The following PTPRN2 variants were observed in gnomAD, a reference collection of about 807,000 sequenced individuals.
PTPRN2 encodes receptor-type tyrosine-protein phosphatase N2.
In PTPRN2, 74 loss-of-function variants were observed where a neutral mutation model predicts 118.8. The observed-to-expected ratio is 0.62, with a 90% CI of 0.52 to 0.76. The LOEUF (loss-of-function observed/expected upper bound fraction) is 0.76, where lower values mean the gene tolerates loss of function less well. PTPRN2 is among the 30% of genes least tolerant of loss of function. PTPRN2 has a pLI of 0.00. For synonymous variants in PTPRN2, 641 were observed against 608.0 expected (o/e 1.05, Z -0.80); for missense variants, 1,481 against 1,394.4 (o/e 1.06, Z -0.99).
chr7:157,921,797 C>G (rs1300434924), intron 11 of PTPRN2, among the ~76,000 whole-genome samples: 1 of 152,186 alleles, frequency 6.6e-6, no homozygotes, highest in Admixed American at 6.5e-5. Flanking sequence ...TATAAACTAC[C>G]CTGTCTCAGG....
Position 158,203,967 on chromosome 7 carries a change from C to T in PTPRN2, c.380+1204G>A, listed in dbSNP as rs75229314. ...CTCAGTGTGCGCCGCGTGCTGAAGT[C>T]GCAGCCCCTAACCTCAGTGTGCGCC... On this transcript the variant is annotated intron_variant, in intron 4 of 22. Transcript: ENST00000389418. Among the ~76,000 whole-genome samples the T allele has an allele frequency of 9.5e-3, 1,355 of 142,198 alleles. 25 individuals are homozygous for T. The highest frequency in any genetic ancestry group is 0.034 in the African/African-American group (1,282 of 38,220). 93.3% of individuals were successfully genotyped at this position (142,198 alleles called of 152,430 possible).
chr7:157,539,518 G>T lies in PTPRN2; in HGVS notation c.*1196C>A, dbSNP rs967223658. The T allele has an allele frequency of 2.0e-5, 3 of 152,244 alleles. No homozygotes were observed. The South Asian group carries it at 6.2e-4, about 32-fold the overall frequency. The allele number at this position is 152,244 out of a possible 1,614,324, so 9.4% of individuals were successfully genotyped here. A position where few individuals can be genotyped will look rare whatever the true frequency, so the allele number is the denominator to read the frequency against. The stretch of plus-strand genomic sequence containing the variant: ...AATTGTCCTATTTCTGGGGTAGGGG[G>T]TGATGGCGAATCGGATACTCAAATG... On this transcript the variant is annotated 3_prime_UTR_variant, in exon 23 of 23. Coordinates refer to ENST00000389418, the MANE Select transcript of PTPRN2 (RefSeq NM_002847.5).
intron 3 of PTPRN2, among the ~76,000 whole-genome samples, chr7:158,259,514 T>C (rs1379345857): frequency 6.6e-6 from 1 of 152,200 alleles, no homozygotes; most frequent in African/African-American, 2.4e-5. Flanking sequence ...CACCAACGGC[T>C]GGCATGTTCC....
In PTPRN2 at chr7:158,129,715, G is replaced by A. The variant is rs554097860; in HGVS notation, c.1556+3962C>T. ...GGAATCGGTCATGATAATGGTCTGC[G>A]TCACCCAGTGCTGAGGCAGGCGCCT... On this transcript the variant is annotated intron_variant, in intron 9 of 22. Coordinates refer to ENST00000389418, the MANE Select transcript of PTPRN2 (RefSeq NM_002847.5). Among the ~76,000 whole-genome samples the A allele has an allele frequency of 4.7e-4, 72 of 152,324 alleles. 1 individual carries two copies. The highest frequency in any genetic ancestry group is 1.3e-3 in the African/African-American group (54 of 41,564).
intron 2 of PTPRN2, among the ~76,000 whole-genome samples, chr7:158,410,254 C>CGGA (rs1813933739): frequency 6.6e-6 from 1 of 152,164 alleles, no homozygotes; most frequent in Non-Finnish European, 1.5e-5. Context: ...GAGCCTCTCC[C>CGGA]GACACCAAAA....
intron 12 of PTPRN2, among the ~76,000 whole-genome samples, chr7:157,894,332 G>C (rs1270555301): frequency 6.6e-6 from 1 of 152,050 alleles, no homozygotes; most frequent in Non-Finnish European, 1.5e-5. Flanking sequence ...GTGGATCCAA[G>C]TGTGTGGAAG....
At chr7:158,363,648 G>T (rs562671633) in intron 2 of PTPRN2, among the ~76,000 whole-genome samples, 5 of 152,180 alleles carry the variant, frequency 3.3e-5, no homozygotes, top group African/African-American at 9.7e-5. Flanking sequence ...GACAGGCAGG[G>T]TGCCAGAACT....
At chr7:158,416,514 C>T (rs1814667516) in intron 2 of PTPRN2, among the ~76,000 whole-genome samples, 1 of 152,370 alleles carries the variant, frequency 6.6e-6, no homozygotes, top group Non-Finnish European at 1.5e-5. Context: ...CAGCTCAGCA[C>T]AGACAGCAAA....
At chr7:158,515,766 C>T (rs529762285) in intron 1 of PTPRN2, among the ~76,000 whole-genome samples, 1 of 152,210 alleles carries the variant, frequency 6.6e-6, no homozygotes, top group South Asian at 2.1e-4. Context: ...TTTTCACCCA[C>T]GTGCCACTGA....
chr7:158,436,956 C>G (rs1375914169), intron 2 of PTPRN2, among the ~76,000 whole-genome samples: 1 of 152,130 alleles, frequency 6.6e-6, no homozygotes, highest in East Asian at 1.9e-4. Flanking sequence ...TTTAAAATAG[C>G]TATATAATAG....
intron 12 of PTPRN2, among the ~76,000 whole-genome samples, chr7:157,853,302 A>G (rs1417079324): frequency 6.6e-6 from 1 of 152,140 alleles, no homozygotes; most frequent in African/African-American, 2.4e-5. Flanking sequence ...GGCCTGTGGC[A>G]TGGGGTAACT....
chr7:157,990,661 C>T lies in PTPRN2; in HGVS notation c.1723+90637G>A, dbSNP rs1804185314. 6.6e-6 allele frequency among the ~76,000 whole-genome samples: 1 copy of T among 152,150 alleles called. No individual in the cohort carries two copies. The highest frequency in any genetic ancestry group is 2.4e-5 in the African/African-American group (1 of 41,434). ...ACAGTAGGACATGCTGGTCCCCTTC[C>T]CAGTGAAGTCCCAGGAAACAGCCTC... On this transcript the variant is annotated intron_variant, in intron 11 of 22. Coordinates refer to ENST00000389418, the MANE Select transcript of PTPRN2 (RefSeq NM_002847.5). The surrounding 1 kb of genome is among the most constrained non-coding windows in gnomAD (Gnocchi z 4.3).
At chr7:158,196,459 G>T (rs947091295) in intron 4 of PTPRN2, among the ~76,000 whole-genome samples, 3 of 152,160 alleles carry the variant, frequency 2.0e-5, no homozygotes, top group Admixed American at 1.3e-4. Context: ...CCCCATCTAG[G>T]GAGGTCTGCA....
intron 1 of PTPRN2, among the ~76,000 whole-genome samples, chr7:158,536,744 T>A (rs1825671953): frequency 6.7e-6 from 1 of 149,380 alleles, no homozygotes; most frequent in African/African-American, 2.5e-5. Context: ...ACAAGGGCCT[T>A]CCCAGTCCAC....
At chr7:158,510,005 A>G (rs1247408440) in intron 1 of PTPRN2, among the ~76,000 whole-genome samples, 1 of 152,214 alleles carries the variant, frequency 6.6e-6, no homozygotes, top group Non-Finnish European at 1.5e-5. Context: ...TCGGCAGAGA[A>G]GAACAGGCAC....
chr7:158,341,354 G>A (rs1806732121), intron 2 of PTPRN2, among the ~76,000 whole-genome samples: 2 of 147,284 alleles, frequency 1.4e-5, no homozygotes, highest in African/African-American at 5.1e-5. Context: ...CACCATAAGA[G>A]GTAACACATG....
chr7:157,575,201 G>C (rs944993852), intron 19 of PTPRN2, among the ~76,000 whole-genome samples: 2 of 152,192 alleles, frequency 1.3e-5, no homozygotes, highest in African/African-American at 4.8e-5. Flanking sequence ...ATGAATTGCC[G>C]TCTTTGTAGT....
intron 11 of PTPRN2, among the ~76,000 whole-genome samples, chr7:158,032,149 T>C (rs1807737526): frequency 6.6e-6 from 1 of 152,226 alleles, no homozygotes; most frequent in Non-Finnish European, 1.5e-5. Flanking sequence ...CGCCTGGCCC[T>C]GGCTAAGCAA....
At chr7:158,260,625 T>C (rs539372332) in intron 3 of PTPRN2, among the ~76,000 whole-genome samples, 1 of 152,238 alleles carries the variant, frequency 6.6e-6, no homozygotes, top group East Asian at 1.9e-4. Flanking sequence ...CTAATGCTGA[T>C]AGTAAGGTTA....
Sources: allele counts gnomAD v4.1 joint callset (sites outside exome capture counted in the v4.1 genomes callset), GRCh38; gene constraint gnomAD v4.1.1; non-coding constraint Gnocchi (gnomAD v3.1); transcripts MANE v1.5; gene names NCBI Gene and HGNC (gene_info 2026-07-23, HGNC 2026-07-21).